DPP10: variants seen among roughly 807,000 people sequenced by gnomAD.
The protein encoded by DPP10 is inactive dipeptidyl peptidase 10.
DPP10 carries 33 observed loss-of-function variants against 120.9 expected under a neutral mutation model. The ratio of observed to expected loss-of-function variants is 0.27; its 90% CI spans 0.21 to 0.37. The LOEUF is 0.37. Among genes scored for constraint, DPP10 ranks in the 10% least tolerant of loss-of-function variants. DPP10 has a pLI of 1.00. For missense variants in DPP10, 816 were observed against 942.8 expected (o/e 0.87, Z 1.76); for synonymous variants, 337 against 326.1 (o/e 1.03, Z -0.36).
chr2:115,112,663 T>C (rs966955941), intron 1 of DPP10, among the ~76,000 whole-genome samples: 3 of 152,160 alleles, frequency 2.0e-5, no homozygotes, highest in African/African-American at 7.2e-5. Flanking sequence ...AAGAAAAAAG[T>C]TGAATTCATG....
In DPP10 at chr2:115,822,828, G is replaced by T. The variant is rs78778525; in HGVS notation, c.1950+7099G>T. ...CATGGTTATTTTATAAACTTTTCTTGGTGCCTTTTGGTATTTAATTCTGTG... is the reference window on the plus strand; with the variant it reads ...CATGGTTATTTTATAAACTTTTCTTTGTGCCTTTTGGTATTTAATTCTGTG... On this transcript the variant is annotated intron_variant, in intron 21 of 25. Coordinates refer to ENST00000410059, the MANE Select transcript of DPP10 (RefSeq NM_020868.6). Among the ~76,000 whole-genome samples, 402 of 151,666 alleles carry T rather than the reference G, an allele frequency of 2.7e-3. 2 individuals are homozygous for T. The highest frequency in any genetic ancestry group is 9.4e-3 in the African/African-American group (390 of 41,440).
Position 114,552,529 on chromosome 2 carries a change from A to G in DPP10, c.60+109691A>G, listed in dbSNP as rs539054832. 3.9e-5 allele frequency among the ~76,000 whole-genome samples: 6 copies of G among 152,116 alleles called. No homozygotes were observed. The South Asian group carries it at 1.2e-3, about 32-fold the overall frequency. On this transcript the variant is annotated intron_variant, in intron 1 of 25. Transcript: ENST00000410059. ...CTGAAACTCTGTGACTTTCCATTATACATTCTTTTTTCTTTCTCTTTTTCT... is the reference window on the plus strand; with the variant it reads ...CTGAAACTCTGTGACTTTCCATTATGCATTCTTTTTTCTTTCTCTTTTTCT...
intron 1 of DPP10, among the ~76,000 whole-genome samples, chr2:114,743,758 T>C (rs886323540): frequency 4.6e-5 from 7 of 152,102 alleles, no homozygotes; most frequent in Non-Finnish European, 1.0e-4. Context: ...TTAATACTTA[T>C]AAAATGTAAA....
At chr2:114,748,398 ATTTT>A (rs1231840164) in intron 1 of DPP10, among the ~76,000 whole-genome samples, 4 of 86,970 alleles carry the variant, frequency 4.6e-5, no homozygotes, top group South Asian at 3.5e-4. Flanking sequence ...TTATTTATTT[ATTTT>A]AAATTTTTTT....
intron 1 of DPP10, among the ~76,000 whole-genome samples, chr2:115,060,091 C>T (rs900241247): frequency 3.9e-5 from 6 of 151,900 alleles, no homozygotes; most frequent in African/African-American, 1.5e-4. Context: ...AGGCAGAAAG[C>T]ATCACTTATT....
chr2:115,283,022 C>T (rs1054424922), intron 1 of DPP10, among the ~76,000 whole-genome samples: 1 of 151,976 alleles, frequency 6.6e-6, no homozygotes, highest in Non-Finnish European at 1.5e-5. Flanking sequence ...CTAATTTATA[C>T]TGAATTCCAT....
At chr2:115,835,010 C>CG (rs537483656) in intron 21 of DPP10, among the ~76,000 whole-genome samples, 12,316 of 151,836 alleles carry the variant, frequency 0.081, 664 homozygotes, top group Non-Finnish European at 0.12. Flanking sequence ...GGCGTGAACC[C>CG]GGGGGGCGGA....
chr2:114,653,010 A>AAGAG (rs71297185), intron 1 of DPP10, among the ~76,000 whole-genome samples: 1 of 120,346 alleles, frequency 8.3e-6, no homozygotes, highest in Admixed American at 7.9e-5. Flanking sequence ...GAGAGAGAGA[A>AAGAG]AGAGAGAGAG....
At chr2:115,555,067 A>T (rs535325570) in intron 5 of DPP10, among the ~76,000 whole-genome samples, 14 of 152,268 alleles carry the variant, frequency 9.2e-5, no homozygotes, top group African/African-American at 2.9e-4. Context: ...GGACATGACT[A>T]TAGCCTGATG....
At chr2:115,645,063 C>G (rs560787940) in intron 5 of DPP10, among the ~76,000 whole-genome samples, 1 of 152,146 alleles carries the variant, frequency 6.6e-6, no homozygotes, top group Admixed American at 6.5e-5. Context: ...AGTGCTGTCT[C>G]CTATTATTTT....
At position 114,491,491 on chromosome 2, in the gene DPP10, T is replaced by C. The variant is rs530780788; in HGVS notation, c.60+48653T>C. Reference sequence around the variant, plus strand: ...CTCCATGAAGGGAGGAGAATGTTTCTTCCTCATTTATAGGCTCAACAGCCC... The same window carrying C: ...CTCCATGAAGGGAGGAGAATGTTTCCTCCTCATTTATAGGCTCAACAGCCC... On this transcript the variant is annotated intron_variant, in intron 1 of 25. Coordinates refer to ENST00000410059, the MANE Select transcript of DPP10 (RefSeq NM_020868.6). 2.8e-4 allele frequency among the ~76,000 whole-genome samples: 42 copies of C among 152,328 alleles called. No homozygotes were observed. In the South Asian group the frequency reaches 8.3e-3, roughly 30 times the overall value.
At chr2:115,251,183 C>T (rs2058735391) in intron 1 of DPP10, among the ~76,000 whole-genome samples, 1 of 152,188 alleles carries the variant, frequency 6.6e-6, no homozygotes, top group Admixed American at 6.5e-5. Flanking sequence ...CTATTTTAAA[C>T]ACTTTCTCCA....
At chr2:115,335,867 G>T (rs1027529273) in intron 2 of DPP10, among the ~76,000 whole-genome samples, 3 of 152,042 alleles carry the variant, frequency 2.0e-5, no homozygotes, top group Non-Finnish European at 4.4e-5. Flanking sequence ...GGAGATGGTG[G>T]TACTGGGAAA....
intron 1 of DPP10, chr2:115,131,042 A>C (rs2050330444): frequency 6.6e-6 from 1 of 152,192 alleles, no homozygotes; most frequent in African/African-American, 2.4e-5. Context: ...TTCCCTTCTC[A>C]TTCTGTAGCC....
intron 1 of DPP10, among the ~76,000 whole-genome samples, chr2:114,814,952 G>C (rs928784841): frequency 2.0e-5 from 3 of 152,158 alleles, no homozygotes; most frequent in Non-Finnish European, 4.4e-5. Context: ...CATCCAGAGG[G>C]GCCTGGCAGG....
At chr2:115,464,885 C>T (rs1414725133) in intron 3 of DPP10, among the ~76,000 whole-genome samples, 1 of 152,110 alleles carries the variant, frequency 6.6e-6, no homozygotes, top group East Asian at 1.9e-4. Flanking sequence ...ACTCAGTTCA[C>T]AGTTAGATTT....
intron 1 of DPP10, among the ~76,000 whole-genome samples, chr2:114,905,067 C>A (rs749610555): frequency 3.3e-5 from 5 of 152,118 alleles, no homozygotes; most frequent in Non-Finnish European, 5.9e-5. Context: ...ATTTTATTTA[C>A]TGTTTATTGC....
intron 1 of DPP10, among the ~76,000 whole-genome samples, chr2:114,711,648 C>G (rs529198266): frequency 2.6e-5 from 4 of 152,132 alleles, no homozygotes; most frequent in Non-Finnish European, 5.9e-5. Context: ...GAAGAACCAA[C>G]CTGACCCTTT....
At chr2:114,993,055 C>G (rs532730186) in intron 1 of DPP10, among the ~76,000 whole-genome samples, 58 of 152,094 alleles carry the variant, frequency 3.8e-4, no homozygotes, top group Non-Finnish European at 6.6e-4. Context: ...TGTTTTTGTG[C>G]CCAAGTTATT....
Sources: allele counts gnomAD v4.1 joint callset (sites outside exome capture counted in the v4.1 genomes callset), GRCh38; gene constraint gnomAD v4.1.1; transcripts MANE v1.5; gene names NCBI Gene and HGNC (gene_info 2026-07-23, HGNC 2026-07-21).